NUDT3: variants seen among roughly 807,000 people sequenced by gnomAD.
NUDT3 encodes the protein diphosphoinositol polyphosphate phosphohydrolase 1.
A neutral mutation model predicts 23.6 loss-of-function variants in NUDT3; 9 were observed. The observed-to-expected ratio is 0.38, with a 90% CI of 0.23 to 0.66. The LOEUF is 0.66. Ranked by LOEUF, NUDT3 falls within the 30% of genes least tolerant of loss-of-function variation. The pLI is 0.52. For synonymous variants in NUDT3, 86 were observed against 82.6 expected (o/e 1.04, Z -0.22); for missense variants, 172 against 218.5 (o/e 0.79, Z 1.34).
chr6:34,298,949 T>C (rs774272075), intron 2 of NUDT3, among the ~76,000 whole-genome samples: 2 of 152,214 alleles, frequency 1.3e-5, no homozygotes, highest in Non-Finnish European at 2.9e-5. Flanking sequence ...TTCAGTTCTT[T>C]AAAGTCATAG....
chr6:34,298,669 C>T (rs1270331416), intron 2 of NUDT3, among the ~76,000 whole-genome samples: 1 of 151,978 alleles, frequency 6.6e-6, no homozygotes, highest in African/African-American at 2.4e-5. Context: ...CGGCCTCAAA[C>T]TCCTGGGATC....
At chr6:34,294,211 C>G (rs1033043768) in intron 3 of NUDT3, among the ~76,000 whole-genome samples, 1 of 152,042 alleles carries the variant, frequency 6.6e-6, no homozygotes, top group African/African-American at 2.4e-5. Context: ...GTCTCAAACT[C>G]CTGACCTCAA....
In NUDT3 at chr6:34,288,692, A is replaced by G. The variant is rs1375991094; in HGVS notation, c.*61T>C. On this transcript the variant is annotated 3_prime_UTR_variant, in exon 5 of 5. Transcript: ENST00000607016. ...GAGAAGTGGAAAGAGCCAGGGTGAG[A>G]GGGAAGATTTGCACTTCAGTCTAGT... 1.9e-6 allele frequency: 3 copies of G among 1,552,094 alleles called. No individual in the cohort carries two copies. Among genetic ancestry groups the G allele is most frequent in the Admixed American group, 4.0e-5 (2 of 50,050 alleles).
intron 1 of NUDT3, among the ~76,000 whole-genome samples, chr6:34,370,761 T>C (rs1462468306): frequency 1.3e-5 from 2 of 151,566 alleles, no homozygotes; most frequent in East Asian, 3.8e-4. Context: ...TTTGTTATAG[T>C]TGTTGTACTG....
At chr6:34,324,963 A>G (rs1764002012) in intron 2 of NUDT3, among the ~76,000 whole-genome samples, 1 of 152,304 alleles carries the variant, frequency 6.6e-6, no homozygotes, top group East Asian at 1.9e-4. Context: ...GAATCATCAC[A>G]ATTGCAACTC....
intron 2 of NUDT3, among the ~76,000 whole-genome samples, chr6:34,310,485 T>C (rs368565762): frequency 6.6e-6 from 1 of 152,044 alleles, no homozygotes; most frequent in East Asian, 1.9e-4. Context: ...GCTGAGATCA[T>C]GCCACTGCAC....
Position 34,286,593 on chromosome 6 carries a change from T to C in NUDT3, c.*2160A>G, listed in dbSNP as rs1186873898. The C allele has an allele frequency of 6.6e-6, 1 of 152,054 alleles. No individual in the cohort carries two copies. The highest frequency in any genetic ancestry group is 1.5e-5 in the Non-Finnish European group (1 of 68,016). 9.4% of individuals were successfully genotyped at this position (152,054 alleles called of 1,614,324 possible). A position where few individuals can be genotyped will look rare whatever the true frequency, so the allele number is the denominator to read the frequency against. On this transcript the variant is annotated 3_prime_UTR_variant, in exon 5 of 5. Transcript: ENST00000607016. Reference sequence around the variant, plus strand: ...ACAGTGTGTTCGTTTTTAAGAAGGATGTGTGAATAGTAAGTTGGCATTCAG... The same window carrying C: ...ACAGTGTGTTCGTTTTTAAGAAGGACGTGTGAATAGTAAGTTGGCATTCAG...
At chr6:34,372,086 T>C (rs1764841065) in intron 1 of NUDT3, among the ~76,000 whole-genome samples, 5 of 152,198 alleles carry the variant, frequency 3.3e-5, no homozygotes, top group Admixed American at 3.3e-4. Context: ...TCATTTTTTA[T>C]GGCTGCATAG....
intron 1 of NUDT3, among the ~76,000 whole-genome samples, chr6:34,360,188 T>C (rs1262843137): frequency 2.2e-5 from 3 of 135,856 alleles, no homozygotes; most frequent in Middle Eastern, 8.4e-3. Flanking sequence ...CAGTAAGTGG[T>C]GATTGTGCCA....
intron 2 of NUDT3, among the ~76,000 whole-genome samples, chr6:34,301,300 G>C (rs1763593616): frequency 6.6e-6 from 1 of 152,222 alleles, no homozygotes; most frequent in Non-Finnish European, 1.5e-5. Flanking sequence ...TGCAGAGATA[G>C]TGACCATTCT....
intron 1 of NUDT3, among the ~76,000 whole-genome samples, chr6:34,389,271 G>T (rs764616409): frequency 2.2e-4 from 33 of 152,174 alleles, no homozygotes; most frequent in Non-Finnish European, 4.0e-4. Context: ...AAATCCAATG[G>T]TTTTACAAGT....
intron 2 of NUDT3, among the ~76,000 whole-genome samples, chr6:34,314,089 C>T (rs1458359952): frequency 4.7e-5 from 7 of 150,042 alleles, no homozygotes; most frequent in Non-Finnish European, 1.0e-4. Flanking sequence ...AAGGGTGAAA[C>T]TCCGTCTCAA....
chr6:34,326,920 T>C (rs1424668947), intron 2 of NUDT3, among the ~76,000 whole-genome samples: 1 of 151,974 alleles, frequency 6.6e-6, no homozygotes, highest in Admixed American at 6.6e-5. Flanking sequence ...TTGACGGGTG[T>C]TCTCCCCGTG....
At chr6:34,354,435 A>ACACACACACT (rs1210510268) in intron 1 of NUDT3, among the ~76,000 whole-genome samples, 24 of 146,862 alleles carry the variant, frequency 1.6e-4, no homozygotes, top group African/African-American at 5.8e-4. Flanking sequence ...ACACATACAC[A>ACACACACACT]CTCTTGGCCG....
chr6:34,293,363 G>A lies in NUDT3; in HGVS notation c.340+88C>T, dbSNP rs1323464893. 5.3e-6 allele frequency: 8 copies of A among 1,495,746 alleles called. No individual in the cohort carries two copies. In the East Asian group the frequency reaches 6.8e-5, roughly 13 times the overall value. The allele number at this position is 1,495,746 out of a possible 1,614,324, so 92.7% of individuals were successfully genotyped here. A position where few individuals can be genotyped will look rare whatever the true frequency, so the allele number is the denominator to read the frequency against. On this transcript the variant is annotated intron_variant, in intron 4 of 4. Coordinates refer to ENST00000607016, the MANE Select transcript of NUDT3 (RefSeq NM_006703.4). ...AGGTGTGAGCCACTGAGCCTGGTAC[G>A]CTCTTGTTTCTGGTTCTGGTCATGA...
intron 1 of NUDT3, among the ~76,000 whole-genome samples, chr6:34,381,617 T>C (rs1334938608): frequency 2.6e-5 from 4 of 152,106 alleles, no homozygotes; most frequent in Admixed American, 2.0e-4. Flanking sequence ...TGTCTTACTA[T>C]TATTAAAGGC....
At chr6:34,351,670 G>A (rs1272592742) in intron 1 of NUDT3, among the ~76,000 whole-genome samples, 4 of 146,914 alleles carry the variant, frequency 2.7e-5, no homozygotes, top group Non-Finnish European at 6.0e-5. Flanking sequence ...GGACCCAGGA[G>A]GTGGAGGTTG....
At chr6:34,294,902 T>C (rs775210118) in intron 3 of NUDT3, among the ~76,000 whole-genome samples, 15 of 152,094 alleles carry the variant, frequency 9.9e-5, no homozygotes, top group Non-Finnish European at 1.6e-4. Context: ...GCTGGGATTA[T>C]AGGTGTGAGC....
Position 34,306,321 on chromosome 6 carries a change from A to G in NUDT3, c.211-10636T>C, listed in dbSNP as rs569868727. ...GCTTTGTGATAAGCAGCTTGTATTC[A>G]TAAGTCCATGGAATTAAGAGAAAGC... On this transcript the variant is annotated intron_variant, in intron 2 of 4. Transcript: ENST00000607016. Among the ~76,000 whole-genome samples, 5 of 152,320 alleles carry G rather than the reference A, an allele frequency of 3.3e-5. No individual in the cohort carries two copies. The South Asian group carries it at 8.3e-4, about 25-fold the overall frequency.
Sources: allele counts gnomAD v4.1 joint callset (sites outside exome capture counted in the v4.1 genomes callset), GRCh38; gene constraint gnomAD v4.1.1; transcripts MANE v1.5; gene names NCBI Gene and HGNC (gene_info 2026-07-23, HGNC 2026-07-21).